Variants in SLC44A5 observed in about 807,000 individuals in gnomAD.
SLC44A5 encodes solute carrier family 44 member 5.
SLC44A5 carries 57 observed loss-of-function variants against 101.8 expected under a neutral mutation model. The ratio of observed to expected loss-of-function variants is 0.56; its 90% CI spans 0.45 to 0.70. SLC44A5 has a LOEUF of 0.70. Ranked by LOEUF, SLC44A5 falls within the 30% of genes least tolerant of loss-of-function variation. The pLI is 0.00. For missense variants in SLC44A5, 737 were observed against 853.1 expected, an observed-to-expected ratio of 0.86 and a Z score of 1.70; for synonymous variants, 281 against 290.9, an observed-to-expected ratio of 0.97 and a Z score of 0.35.
At chr1:75,700,060 G>A in the SLC44A5 span, among the ~76,000 whole-genome samples, 1 of 152,080 alleles carries the variant, frequency 6.6e-6, no homozygotes, top group Admixed American at 6.6e-5. Flanking sequence ...AATAATGGGA[G>A]ACTTTAACAC....
Position 75,541,606 on chromosome 1 carries a change from T to C in SLC44A5, c.-69-90A>G, listed in dbSNP as rs191231299. 22 of 685,050 alleles carry C rather than the reference T, an allele frequency of 3.2e-5. No homozygotes were observed. The African/African-American group carries it at 3.8e-4, about 12-fold the overall frequency. 42.4% of individuals were successfully genotyped at this position (685,050 alleles called of 1,614,324 possible). A position where few individuals can be genotyped will look rare whatever the true frequency, so the allele number is the denominator to read the frequency against. Reference sequence around the variant, plus strand: ...ACCTTTTGGGAATGCTCTCATAACTTACTATAATTTACTCTCCCCAAAAAC... The same window carrying C: ...ACCTTTTGGGAATGCTCTCATAACTCACTATAATTTACTCTCCCCAAAAAC... On this transcript the variant is annotated intron_variant, in intron 1 of 23. Coordinates refer to ENST00000370859, the MANE Select transcript of SLC44A5 (RefSeq NM_001130058.2).
At chr1:75,530,607 G>T (rs1032727699) in intron 2 of SLC44A5, among the ~76,000 whole-genome samples, 2 of 152,128 alleles carry the variant, frequency 1.3e-5, no homozygotes, top group African/African-American at 4.8e-5. Flanking sequence ...GACAGATGTT[G>T]TGTCTCTTAA....
chr1:75,590,541 G>A (rs1343072769), intron 1 of SLC44A5, among the ~76,000 whole-genome samples: 1 of 152,106 alleles, frequency 6.6e-6, no homozygotes, highest in Non-Finnish European at 1.5e-5. Context: ...CAGCATTTCT[G>A]AACCTGCCCT....
At chr1:75,337,926 A>C (rs1333437518) in intron 4 of SLC44A5, among the ~76,000 whole-genome samples, 3 of 152,228 alleles carry the variant, frequency 2.0e-5, no homozygotes, top group Non-Finnish European at 4.4e-5. Context: ...ATGTAAGCAC[A>C]AGGTGTTATT....
the SLC44A5 span, among the ~76,000 whole-genome samples, chr1:75,636,022 A>G: frequency 6.6e-6 from 1 of 152,006 alleles, no homozygotes; most frequent in East Asian, 1.9e-4. Flanking sequence ...TGAATAACAT[A>G]CATTTTCCCC....
intron 5 of SLC44A5, among the ~76,000 whole-genome samples, chr1:75,281,136 G>C (rs571552983): frequency 6.6e-6 from 1 of 152,104 alleles, no homozygotes; most frequent in Non-Finnish European, 1.5e-5. Flanking sequence ...GGAAAGTTTG[G>C]AACAACTTAG....
intron 2 of SLC44A5, among the ~76,000 whole-genome samples, chr1:75,466,743 A>G (rs987759382): frequency 2.6e-5 from 4 of 151,912 alleles, no homozygotes; most frequent in African/African-American, 9.7e-5. Flanking sequence ...ATCATACTGA[A>G]TGGGGAAAAA....
At chr1:75,280,926 G>C (rs1237354116) in intron 5 of SLC44A5, among the ~76,000 whole-genome samples, 3 of 152,060 alleles carry the variant, frequency 2.0e-5, no homozygotes, top group Non-Finnish European at 4.4e-5. Flanking sequence ...TTTATTAGCA[G>C]CATGAGAACA....
chr1:75,325,759 C>CGT (rs10538157), intron 4 of SLC44A5, among the ~76,000 whole-genome samples: 80 of 150,214 alleles, frequency 5.3e-4, no homozygotes, highest in East Asian at 2.6e-3. Context: ...TGCATGCATG[C>CGT]GTGTGTGTGT....
chr1:75,567,273 A>G (rs928207697), intron 1 of SLC44A5, among the ~76,000 whole-genome samples: 2 of 152,206 alleles, frequency 1.3e-5, no homozygotes, highest in African/African-American at 4.8e-5. Context: ...GCTCCCCCAC[A>G]TAGATGACAA....
intron 1 of SLC44A5, among the ~76,000 whole-genome samples, chr1:75,558,644 A>G (rs564968390): frequency 8.5e-5 from 13 of 152,248 alleles, no homozygotes; most frequent in African/African-American, 3.1e-4. Flanking sequence ...ACTACAGGAA[A>G]TGAACGATGC....
At chr1:75,271,313 G>A (rs570120933) in intron 6 of SLC44A5, among the ~76,000 whole-genome samples, 7 of 151,968 alleles carry the variant, frequency 4.6e-5, no homozygotes, top group Admixed American at 3.9e-4. Flanking sequence ...AATGTTAATA[G>A]TTTTTTGGGT....
At chr1:75,667,023 G>A in the SLC44A5 span, among the ~76,000 whole-genome samples, 1 of 152,216 alleles carries the variant, frequency 6.6e-6, no homozygotes, top group South Asian at 2.1e-4. Flanking sequence ...CTGAAAACCG[G>A]CACAAGACAA....
chr1:75,309,297 C>T (rs992454186), intron 4 of SLC44A5, among the ~76,000 whole-genome samples: 6 of 152,112 alleles, frequency 3.9e-5, no homozygotes, highest in African/African-American at 1.4e-4. Context: ...TTTTAAAAAT[C>T]AGCTGCATGT....
At chr1:75,321,301 C>T (rs917913653) in intron 4 of SLC44A5, among the ~76,000 whole-genome samples, 14 of 152,146 alleles carry the variant, frequency 9.2e-5, no homozygotes, top group African/African-American at 3.4e-4. Context: ...ACAAACACCA[C>T]AGACTGAATG....
the SLC44A5 span, among the ~76,000 whole-genome samples, chr1:75,653,219 G>A: frequency 7.9e-5 from 12 of 152,080 alleles, no homozygotes; most frequent in Admixed American, 2.0e-4. Flanking sequence ...CAGGCCGGGC[G>A]CACTGTAATT....
intron 2 of SLC44A5, among the ~76,000 whole-genome samples, chr1:75,425,085 T>C (rs1020623147): frequency 2.0e-5 from 3 of 152,258 alleles, no homozygotes; most frequent in African/African-American, 7.2e-5. Flanking sequence ...TCTTCATTTA[T>C]TGTAGCTCTT....
chr1:75,676,734 A>C, the SLC44A5 span, among the ~76,000 whole-genome samples: 1 of 152,312 alleles, frequency 6.6e-6, no homozygotes, highest in South Asian at 2.1e-4. Flanking sequence ...AACTTCCAAA[A>C]CCTAGAGAAA....
At chr1:75,348,048 C>A (rs549721080) in intron 3 of SLC44A5, among the ~76,000 whole-genome samples, 8 of 152,070 alleles carry the variant, frequency 5.3e-5, no homozygotes, top group African/African-American at 1.9e-4. Flanking sequence ...TTCCATGATG[C>A]CAGTAGTAGA....
Sources: allele counts gnomAD v4.1 joint callset (sites outside exome capture counted in the v4.1 genomes callset), GRCh38; gene constraint gnomAD v4.1.1; transcripts MANE v1.5; gene names NCBI Gene and HGNC (gene_info 2026-07-23, HGNC 2026-07-21).